SLC25A23: variants seen among roughly 807,000 people sequenced by gnomAD.
SLC25A23 encodes solute carrier family 25 member 23.
In SLC25A23, 32 loss-of-function variants were observed where a neutral mutation model predicts 53.9. The ratio of observed to expected loss-of-function variants is 0.59; its 90% CI spans 0.45 to 0.80. The LOEUF is 0.80. Ranked by LOEUF, SLC25A23 falls within the 30% of genes least tolerant of loss-of-function variation. The probability of loss-of-function intolerance (pLI) is 0.00; values close to 1 mark genes in which losing one functional copy is unlikely to be tolerated. For missense variants in SLC25A23, 575 were observed against 651.4 expected (o/e 0.88, Z 1.28); for synonymous variants, 275 against 264.5 (o/e 1.04, Z -0.38).
chr19:6,439,707 G>A (rs547405490), downstream of SLC25A23, among the ~76,000 whole-genome samples: 5 of 152,026 alleles, frequency 3.3e-5, no homozygotes, highest in East Asian at 9.7e-4. Context: ...GTGGGTGCCT[G>A]TAATCCCAGC....
rs1169140966 is a variant in SLC25A23, at chr19:6,458,243, G to C, written c.238C>G (p.Gln80Glu). ...CTGTGAAACATGAGCAGCAGACGCTGTTCCCGCTCCTGCAGATAGCGGGAA... is the reference window on the plus strand; with the variant it reads ...CTGTGAAACATGAGCAGCAGACGCTCTTCCCGCTCCTGCAGATAGCGGGAA... ...EFSRYLQERE[Q>E]RLLLMFHSLD... The change falls in exon 2 of 10, where the codon CAG becomes GAG. Residue 80 changes from glutamine to glutamate, a missense_variant. Physicochemically the swap from Gln to Glu is conservative, Grantham distance 29. Transcript: ENST00000301454. The C allele has an allele frequency of 6.2e-7, 1 of 1,613,596 alleles. No individual in the cohort carries two copies. The highest frequency in any genetic ancestry group is 1.3e-5 in the African/African-American group (1 of 74,924).
Position 6,459,644 on chromosome 19 carries a change from G to C in SLC25A23, c.-16C>G. ...TCCCCCGCATGGCGCCCGCCCGGGGGGGAGGGGAGGCCCGGCAGCGGCGGC... is the reference window on the plus strand; with the variant it reads ...TCCCCCGCATGGCGCCCGCCCGGGGCGGAGGGGAGGCCCGGCAGCGGCGGC... On this transcript the variant is annotated 5_prime_UTR_variant, in exon 1 of 10. Transcript: ENST00000301454. This position sits in a 1 kb window ranked among gnomAD's most constrained non-coding sequence, Gnocchi z 4.6. 1 of 1,394,798 alleles carries C rather than the reference G, an allele frequency of 7.2e-7. No individual in the cohort carries two copies. Among genetic ancestry groups the C allele is most frequent in the East Asian group, 2.9e-5 (1 of 34,134 alleles). 86.4% of individuals were successfully genotyped at this position (1,394,798 alleles called of 1,614,324 possible).
rs2092403153 is a variant in SLC25A23 at position 6,440,399 on chromosome 19, G to C, written c.*1576C>G. 1.3e-5 allele frequency: 2 copies of C among 152,176 alleles called. No individual in the cohort carries two copies. Among genetic ancestry groups the C allele is most frequent in the African/African-American group, 2.4e-5 (1 of 41,296 alleles). 9.4% of individuals were successfully genotyped at this position (152,176 alleles called of 1,614,324 possible). Reference sequence around the variant, plus strand: ...TCATTGGGTGCTTGGGTTTAGGGAAGGGTGGTCTTTGCCGATTTTCTCCTG... The same window carrying C: ...TCATTGGGTGCTTGGGTTTAGGGAACGGTGGTCTTTGCCGATTTTCTCCTG... On this transcript the variant is annotated 3_prime_UTR_variant, in exon 10 of 10. Transcript: ENST00000301454.
At chr19:6,444,036 G>A in intron 9 of SLC25A23, 115 bp downstream of exon 9, 5 of 1,127,630 alleles carry the variant, frequency 4.4e-6, no homozygotes, top group Non-Finnish European at 6.1e-6. Context: ...GGGAAACGGA[G>A]GCCCAGAGAA....
rs1454318259 is a variant in SLC25A23 at position 6,453,964 on chromosome 19, G to C, written c.903+17C>G. On this transcript the variant is annotated intron_variant, in intron 7 of 9. Transcript: ENST00000301454. ...CCACCCTGCCATGGGGCCTCCGCTGGGGTCCCTCCTTCTCACCTCCATAGG... is the reference window on the plus strand; with the variant it reads ...CCACCCTGCCATGGGGCCTCCGCTGCGGTCCCTCCTTCTCACCTCCATAGG... The C allele has an allele frequency of 6.2e-7, 1 of 1,601,272 alleles. No homozygotes were observed. The highest frequency in any genetic ancestry group is 2.2e-5 in the East Asian group (1 of 44,708).
At position 6,454,217 on chromosome 19, in the gene SLC25A23, C is replaced by A. The variant is rs2145005576; in HGVS notation, c.795+106G>T. 1.3e-6 allele frequency: 2 copies of A among 1,520,984 alleles called. No individual in the cohort carries two copies. The highest frequency in any genetic ancestry group is 2.3e-5 in the East Asian group (1 of 44,142). 94.2% of individuals were successfully genotyped at this position (1,520,984 alleles called of 1,614,324 possible). ...CATGCAGAGGAGCAGATGCCTGATC[C>A]TGGGGACCTGTGTTCACCACCCACC... On this transcript the variant is annotated intron_variant, in intron 6 of 9. Transcript: ENST00000301454. The surrounding 1 kb of genome is among the most constrained non-coding windows in gnomAD (Gnocchi z 4.3).
intron 8 of SLC25A23, 41 bp from the exon 9 acceptor site, chr19:6,444,342 C>G (rs1170989764): frequency 1.9e-6 from 3 of 1,550,302 alleles, no homozygotes; most frequent in Admixed American, 1.9e-5. Flanking sequence ...GGGTGGGTGA[C>G]CCTAGGACCC....
chr19:6,449,015 C>G (rs2092547576), intron 8 of SLC25A23, among the ~76,000 whole-genome samples: 1 of 150,720 alleles, frequency 6.6e-6, no homozygotes, highest in Admixed American at 6.6e-5. Flanking sequence ...CAGAGTGAGA[C>G]TCTGTCTCAA....
At chr19:6,438,836 C>T (rs1271040231), downstream of SLC25A23, 3 of 210,976 alleles carry the variant, frequency 1.4e-5, no homozygotes, top group South Asian at 5.1e-5. Flanking sequence ...GAAACAAGAG[C>T]AAGACTCCTA....
Position 6,459,647 on chromosome 19 carries a change from AG to A in SLC25A23, c.-20del. The A allele has an allele frequency of 7.3e-7, 1 of 1,373,814 alleles. No homozygotes were observed. Among genetic ancestry groups the A allele is most frequent in the Admixed American group, 3.5e-5 (1 of 28,288 alleles). The allele number at this position is 1,373,814 out of a possible 1,614,324, so 85.1% of individuals were successfully genotyped here. On this transcript the variant is annotated 5_prime_UTR_variant, in exon 1 of 10. Transcript: ENST00000301454. The surrounding 1 kb of genome is among the most constrained non-coding windows in gnomAD (Gnocchi z 4.6). The stretch of plus-strand genomic sequence containing the variant: ...CCCGCATGGCGCCCGCCCGGGGGGG[AG>A]GGGAGGCCCGGCAGCGGCGGCCTCA...
intron 4 of SLC25A23, chr19:6,456,162 CCCA>C (rs1285544918): frequency 2.1e-4 from 295 of 1,388,992 alleles, no homozygotes; most frequent in Middle Eastern, 3.7e-4. Context: ...ACCCGCAACC[CCCA>C]CACGCTGTCC....
rs963736069 is a variant in SLC25A23, at chr19:6,452,221, C to A, written c.1071+91G>T. On this transcript the variant is annotated intron_variant, in intron 8 of 9. Coordinates refer to ENST00000301454, the MANE Select transcript of SLC25A23 (RefSeq NM_024103.3). ...CTGCCTTTCTCTAACTATAGCAGGT[C>A]AACTGAGCCAGCCCCAGGGGAAGGG... The A allele has an allele frequency of 1.3e-5, 19 of 1,517,292 alleles. 1 individual carries two copies. 94.0% of individuals were successfully genotyped at this position (1,517,292 alleles called of 1,614,324 possible).
chr19:6,443,640 C>T (rs1355525374), intron 9 of SLC25A23: 1 of 701,408 alleles, frequency 1.4e-6, no homozygotes, highest in Non-Finnish European at 2.6e-6. Flanking sequence ...CCGTGTCCGT[C>T]TTGTACACTG....
At chr19:6,447,141 A>G (rs1395667339) in intron 8 of SLC25A23, among the ~76,000 whole-genome samples, 2 of 152,152 alleles carry the variant, frequency 1.3e-5, no homozygotes, top group East Asian at 3.8e-4. Context: ...CTGTTGTTTT[A>G]AGCCAACCAG....
At chr19:6,457,620 T>A in intron 2 of SLC25A23, 30 bp from the exon 3 acceptor site, 1 of 1,600,624 alleles carries the variant, frequency 6.2e-7, no homozygotes, top group Non-Finnish European at 8.6e-7. Context: ...TGGGGAAGGA[T>A]GTGCGTGTGA....
chr19:6,457,084 CAGA>C (rs1324618803), intron 3 of SLC25A23, among the ~76,000 whole-genome samples: 1 of 136,340 alleles, frequency 7.3e-6, no homozygotes, highest in Non-Finnish European at 1.6e-5. Context: ...TTTTTTTTTC[CAGA>C]AGGAGTCTCA....
At chr19:6,458,124 C>G (rs1302504751) in intron 2 of SLC25A23, 74 bp downstream of exon 2, 4 of 1,562,078 alleles carry the variant, frequency 2.6e-6, no homozygotes, top group Non-Finnish European at 3.5e-6. Context: ...GCTGCCAGTT[C>G]TAACCCCACT....
chr19:6,447,702 G>A (rs1018753849), intron 8 of SLC25A23, among the ~76,000 whole-genome samples: 3 of 150,992 alleles, frequency 2.0e-5, no homozygotes, highest in South Asian at 2.1e-4. Flanking sequence ...ACGGAGTCTC[G>A]TTCTGTCGCC....
At chr19:6,436,541 G>C (rs77227806), downstream of SLC25A23, 11,739 of 415,674 alleles carry the variant, frequency 0.028, 387 homozygotes, top group African/African-American at 0.11. Flanking sequence ...GGATGGCAGC[G>C]ACAGTGTCTT....
Sources: gnomAD v4.1 joint callset for allele counts (sites outside exome capture counted in the v4.1 genomes callset) on GRCh38, gnomAD v4.1.1 for gene constraint, Gnocchi (gnomAD v3.1) non-coding constraint, MANE v1.5 for transcripts, NCBI Gene and HGNC (gene_info 2026-07-23, HGNC 2026-07-21) for gene names.